Variants in ASRGL1 observed in about 807,000 individuals in gnomAD.
The protein encoded by ASRGL1 is isoaspartyl peptidase/L-asparaginase.
A neutral mutation model predicts 22.4 loss-of-function variants in ASRGL1; 16 were observed. The ratio of observed to expected loss-of-function variants is 0.71; its 90% CI spans 0.48 to 1.08. The LOEUF is 1.08. Among genes scored for constraint, ASRGL1 ranks in the 50% least tolerant of loss-of-function variants. ASRGL1 has a pLI of 0.00. For synonymous variants in ASRGL1, 165 were observed against 159.3 expected (o/e 1.04, Z -0.27); for missense variants, 412 against 410.1 (o/e 1.00, Z -0.04).
At chr11:62,368,106 C>T (rs935162977) in intron 4 of ASRGL1, among the ~76,000 whole-genome samples, 4 of 152,116 alleles carry the variant, frequency 2.6e-5, no homozygotes, top group Non-Finnish European at 5.9e-5. Context: ...CACTCAACCG[C>T]GGTCTGATGT....
chr11:62,391,431 C>T (rs1297361031), intron 5 of ASRGL1, 91 bp from the exon 6 acceptor site: 47 of 1,481,996 alleles, frequency 3.2e-5, no homozygotes, highest in South Asian at 6.7e-5. Context: ...GAGCACCCTT[C>T]GCGATTTAAC....
intron 4 of ASRGL1, among the ~76,000 whole-genome samples, chr11:62,387,511 C>T (rs1947243492): frequency 6.6e-6 from 1 of 152,188 alleles, no homozygotes; most frequent in African/African-American, 2.4e-5. Flanking sequence ...CACGCTCTCC[C>T]TCATTTTATT....
intron 4 of ASRGL1, among the ~76,000 whole-genome samples, chr11:62,381,444 TTC>T (rs1947065483): frequency 6.6e-6 from 1 of 152,214 alleles, no homozygotes; most frequent in South Asian, 2.1e-4. Flanking sequence ...TCCCTGCCTA[TTC>T]TTCACAATCT....
chr11:62,372,957 A>G (rs1590742998), intron 4 of ASRGL1: 2 of 1,490,962 alleles, frequency 1.3e-6, no homozygotes, highest in East Asian at 4.5e-5. Context: ...TGAGAGCACC[A>G]TCAGCTGGGG....
chr11:62,367,325 G>A (rs1197853890), intron 4 of ASRGL1, among the ~76,000 whole-genome samples: 15 of 145,296 alleles, frequency 1.0e-4, no homozygotes, highest in Admixed American at 4.1e-4. Context: ...GCGACAGAGT[G>A]AAACTCTGTC....
intron 2 of ASRGL1, among the ~76,000 whole-genome samples, chr11:62,346,713 T>C (rs1456177278): frequency 1.3e-5 from 2 of 152,176 alleles, no homozygotes; most frequent in Non-Finnish European, 2.9e-5. Context: ...CTCACACCTG[T>C]AATCCCAGCA....
In ASRGL1 at chr11:62,368,169, T is replaced by C. The variant is rs372447339; in HGVS notation, c.491+11025T>C. 2.6e-4 allele frequency among the ~76,000 whole-genome samples: 39 copies of C among 152,262 alleles called. No individual in the cohort carries two copies. The South Asian group carries it at 8.1e-3, about 32-fold the overall frequency. On this transcript the variant is annotated intron_variant, in intron 4 of 6. Transcript: ENST00000415229. ...CTTTTACTACAGTATATTGTTTTAA[T>C]TGTATTATTTTATTATTGTTAATCT...
chr11:62,366,210 C>T (rs1446826521), intron 4 of ASRGL1, among the ~76,000 whole-genome samples: 1 of 134,444 alleles, frequency 7.4e-6, no homozygotes, highest in East Asian at 2.1e-4. Flanking sequence ...TGCAGTGAGC[C>T]GAGATCACAC....
At chr11:62,387,607 G>A (rs902009275) in intron 4 of ASRGL1, among the ~76,000 whole-genome samples, 3 of 152,190 alleles carry the variant, frequency 2.0e-5, no homozygotes, top group Admixed American at 6.5e-5. Flanking sequence ...CAGCAGCTGG[G>A]ATGGCATGAT....
intron 4 of ASRGL1, among the ~76,000 whole-genome samples, chr11:62,369,725 A>T (rs1244076036): frequency 6.6e-6 from 1 of 152,084 alleles, no homozygotes; most frequent in African/African-American, 2.4e-5. Flanking sequence ...TGCTCTTTTA[A>T]TTTGGAAATG....
chr11:62,360,019 C>CTT (rs112728071), intron 4 of ASRGL1, among the ~76,000 whole-genome samples: 8 of 132,246 alleles, frequency 6.0e-5, no homozygotes, highest in Admixed American at 1.5e-4. Context: ...TTTTGCTTTT[C>CTT]TTTTTTTTTT....
chr11:62,375,435 T>TATATATAC (rs1456237495), intron 4 of ASRGL1, among the ~76,000 whole-genome samples: 3 of 9,302 alleles, frequency 3.2e-4, no homozygotes, highest in African/African-American at 1.6e-3. Context: ...ACTTTATATA[T>TATATATAC]ATATATATAT....
chr11:62,371,296 G>A lies in ASRGL1; in HGVS notation c.491+14152G>A, dbSNP rs1018475380. The A allele has an allele frequency of 2.3e-5, 32 of 1,382,084 alleles. No homozygotes were observed. The Middle Eastern group carries it at 1.0e-3, about 44-fold the overall frequency. 85.6% of individuals were successfully genotyped at this position (1,382,084 alleles called of 1,614,324 possible). ...TGGTGGCAGCAGCAGCAGCGGCGAC[G>A]AGGACGGCCTGGAGCTCGACGGGGC... On this transcript the variant is annotated intron_variant, in intron 4 of 6. Coordinates refer to ENST00000415229, the MANE Select transcript of ASRGL1 (RefSeq NM_001083926.2).
chr11:62,373,074 G>T (rs1307372818), intron 4 of ASRGL1: 3 of 1,452,856 alleles, frequency 2.1e-6, no homozygotes, highest in African/African-American at 1.4e-5. Flanking sequence ...AGAGCCGGTC[G>T]CCATGGGCTA....
the ASRGL1 span, among the ~76,000 whole-genome samples, chr11:62,400,883 C>T: frequency 0.062 from 9,370 of 152,198 alleles, 988 homozygotes; most frequent in African/African-American, 0.21. Context: ...TAGAGACGGC[C>T]GCACAATGAA....
intron 4 of ASRGL1, among the ~76,000 whole-genome samples, chr11:62,384,784 GGT>G (rs1437868181): frequency 7.6e-6 from 1 of 131,716 alleles, no homozygotes; most frequent in Non-Finnish European, 1.6e-5. Flanking sequence ...CGGGAGTGGT[GGT>G]GCATGCCCAT....
At chr11:62,337,838 C>T in intron 1 of ASRGL1, 52 bp from the exon 2 acceptor site, 1 of 923,354 alleles carries the variant, frequency 1.1e-6, no homozygotes. Context: ...CCTACCCACC[C>T]CCAGCTGCGA....
chr11:62,372,660 T>C, intron 4 of ASRGL1: 1 of 1,025,806 alleles, frequency 9.7e-7, no homozygotes, highest in Non-Finnish European at 1.6e-6. Flanking sequence ...GAAGTGAGTC[T>C]TCTCCTGGGG....
intron 2 of ASRGL1, among the ~76,000 whole-genome samples, chr11:62,346,102 G>A (rs965683164): frequency 6.6e-6 from 1 of 152,136 alleles, no homozygotes; most frequent in African/African-American, 2.4e-5. Flanking sequence ...GCTCAGTCCC[G>A]TAAGACTGCT....
Sources: gnomAD v4.1 joint callset for allele counts (sites outside exome capture counted in the v4.1 genomes callset) on GRCh38, gnomAD v4.1.1 for gene constraint, MANE v1.5 for transcripts, NCBI Gene and HGNC (gene_info 2026-07-23, HGNC 2026-07-21) for gene names.